The following YWHAE variants were observed in gnomAD, a reference collection of about 807,000 sequenced individuals.
YWHAE encodes the protein tyrosine 3-monooxygenase/tryptophan 5-monooxygenase activation protein epsilon.
A neutral mutation model predicts 30.1 loss-of-function variants in YWHAE; 4 were observed. That is an observed-to-expected ratio of 0.13 (90% CI 0.07 to 0.30). The LOEUF (loss-of-function observed/expected upper bound fraction) is 0.30, where lower values mean the gene tolerates loss of function less well. YWHAE is among the 10% of genes least tolerant of loss of function. The pLI is 1.00. For synonymous variants in YWHAE, 118 were observed against 111.8 expected (o/e 1.06, Z -0.35); for missense variants, 121 against 315.9 (o/e 0.38, Z 4.68).
At chr17:1,347,423 G>A (rs933128491) in intron 5 of YWHAE, among the ~76,000 whole-genome samples, 1 of 151,492 alleles carries the variant, frequency 6.6e-6, no homozygotes, top group Admixed American at 6.6e-5. Flanking sequence ...TTCTATTTCT[G>A]CAGTGAGCTT....
intron 1 of YWHAE, among the ~76,000 whole-genome samples, chr17:1,366,814 C>CCT (rs1452614654): frequency 6.6e-6 from 1 of 151,946 alleles, no homozygotes; most frequent in Non-Finnish European, 1.5e-5. Context: ...TGGTGGTGCA[C>CCT]GCTTGTAATC....
chr17:1,351,946 C>A (rs992560329), intron 5 of YWHAE: 8 of 102,966 alleles, frequency 7.8e-5, no homozygotes, highest in African/African-American at 4.0e-4. Context: ...TACCACTGCA[C>A]CCGGCATTTT....
At chr17:1,370,121 T>TTC (rs1288608974) in intron 1 of YWHAE, among the ~76,000 whole-genome samples, 1 of 42,550 alleles carries the variant, frequency 2.4e-5, no homozygotes, top group Non-Finnish European at 5.1e-5. Flanking sequence ...CAGAAAAACT[T>TTC]TTTTTTTTTT....
Position 1,365,162 on chromosome 17 carries a change from T to C in YWHAE, c.65-104A>G, listed in dbSNP as rs1047701997. 10 of 1,229,418 alleles carry C rather than the reference T, an allele frequency of 8.1e-6. No individual in the cohort carries two copies. The South Asian group carries it at 1.5e-4, about 18-fold the overall frequency. The allele number at this position is 1,229,418 out of a possible 1,614,324, so 76.2% of individuals were successfully genotyped here. A position where few individuals can be genotyped will look rare whatever the true frequency, so the allele number is the denominator to read the frequency against. ...GTCAAGCTACTGCGAAAAAAACATT[T>C]TAACAAAAATAATTTCATAATCATC... On this transcript the variant is annotated intron_variant, in intron 1 of 5. Coordinates refer to ENST00000264335, the MANE Select transcript of YWHAE (RefSeq NM_006761.5).
Position 1,394,523 on chromosome 17 carries a change from T to C in YWHAE, c.64+5524A>G, listed in dbSNP as rs1273000302. Reference sequence around the variant, plus strand: ...AGGGAAGCTGAGGCAGGAGGGTCACTGGAACTCAGGAGGTCGAGCCTGCAG... The same window carrying C: ...AGGGAAGCTGAGGCAGGAGGGTCACCGGAACTCAGGAGGTCGAGCCTGCAG... On this transcript the variant is annotated intron_variant, in intron 1 of 5. Coordinates refer to ENST00000264335, the MANE Select transcript of YWHAE (RefSeq NM_006761.5). 2.0e-5 allele frequency among the ~76,000 whole-genome samples: 3 copies of C among 150,286 alleles called. 1 individual carries two copies. Among genetic ancestry groups the C allele is most frequent in the African/African-American group, 7.4e-5 (3 of 40,560 alleles).
chr17:1,385,838 G>C (rs2073292225), intron 1 of YWHAE, among the ~76,000 whole-genome samples: 1 of 152,096 alleles, frequency 6.6e-6, no homozygotes, highest in South Asian at 2.1e-4. Flanking sequence ...CAGCACTTTA[G>C]GAGGCCAAGG....
At chr17:1,375,169 T>C (rs764181126) in intron 1 of YWHAE, among the ~76,000 whole-genome samples, 1 of 152,206 alleles carries the variant, frequency 6.6e-6, no homozygotes, top group Non-Finnish European at 1.5e-5. Context: ...TTTGTACAAA[T>C]AACGACTACA....
chr17:1,358,351 T>G (rs2072794216), intron 4 of YWHAE, among the ~76,000 whole-genome samples: 1 of 152,116 alleles, frequency 6.6e-6, no homozygotes, highest in Non-Finnish European at 1.5e-5. Flanking sequence ...GCCATTCTCC[T>G]GCCTCAGCCT....
chr17:1,399,592 G>A (rs1199873483), intron 1 of YWHAE: 3 of 196,844 alleles, frequency 1.5e-5, no homozygotes, highest in Non-Finnish European at 2.1e-5. Context: ...TCCCTGAAAG[G>A]CGCCCGCGCT....
At chr17:1,384,004 G>C (rs542298633) in intron 1 of YWHAE, among the ~76,000 whole-genome samples, 1 of 151,882 alleles carries the variant, frequency 6.6e-6, no homozygotes, top group African/African-American at 2.4e-5. Flanking sequence ...AAGAGTTCAA[G>C]ACCAACCTGG....
At chr17:1,395,480 G>GACC (rs1271412903) in intron 1 of YWHAE, among the ~76,000 whole-genome samples, 1 of 152,180 alleles carries the variant, frequency 6.6e-6, no homozygotes, top group Non-Finnish European at 1.5e-5. Flanking sequence ...AGTGAGCCAA[G>GACC]ACCACGCCAT....
intron 1 of YWHAE, among the ~76,000 whole-genome samples, chr17:1,382,024 G>A (rs1469222084): frequency 6.6e-6 from 1 of 151,150 alleles, no homozygotes; most frequent in African/African-American, 2.4e-5. Context: ...CCACTGACAA[G>A]TTACTTGCGG....
chr17:1,373,329 G>A (rs1038469098), intron 1 of YWHAE, among the ~76,000 whole-genome samples: 7 of 151,852 alleles, frequency 4.6e-5, no homozygotes, highest in African/African-American at 1.5e-4. Flanking sequence ...CAATAGTAAC[G>A]TCAAAGATTA....
chr17:1,346,990 CAAAA>C (rs71148471), intron 5 of YWHAE, among the ~76,000 whole-genome samples: 2 of 74,160 alleles, frequency 2.7e-5, no homozygotes, highest in Non-Finnish European at 2.6e-5. Flanking sequence ...GACTCCGTCT[CAAAA>C]AAAAAAAAAA....
intron 1 of YWHAE, among the ~76,000 whole-genome samples, chr17:1,397,066 ATTTT>A (rs766186484): frequency 6.6e-6 from 1 of 150,902 alleles, no homozygotes; most frequent in South Asian, 2.1e-4. Flanking sequence ...TGCCCGGATA[ATTTT>A]TTTATTTTTG....
intron 1 of YWHAE, among the ~76,000 whole-genome samples, chr17:1,376,378 A>G (rs529049882): frequency 7.2e-6 from 1 of 139,458 alleles, no homozygotes; most frequent in Non-Finnish European, 1.6e-5. Context: ...GACAGACAGA[A>G]AGAAAGAAAA....
At chr17:1,350,571 A>G (rs1428483642) in intron 5 of YWHAE, among the ~76,000 whole-genome samples, 1 of 151,510 alleles carries the variant, frequency 6.6e-6, no homozygotes, top group African/African-American at 2.4e-5. Flanking sequence ...CCTCCTGAGT[A>G]GCAGGGATTA....
At chr17:1,351,581 A>G (rs8064578) in intron 5 of YWHAE, among the ~76,000 whole-genome samples, 112,083 of 151,954 alleles carry the variant, frequency 0.74, 42,743 homozygotes, top group African/African-American at 0.93. Flanking sequence ...GGGGATGACC[A>G]TTACGAGTCC....
rs55734488 is a variant in YWHAE, at chr17:1,361,317, T to TAAAA, written c.372-23_372-20dup. 14 of 1,358,452 alleles carry TAAAA rather than the reference T, an allele frequency of 1.0e-5. No individual in the cohort carries two copies. Among genetic ancestry groups the TAAAA allele is most frequent in the Non-Finnish European group, 1.4e-5 (14 of 1,006,744 alleles). The allele number at this position is 1,358,452 out of a possible 1,614,324, so 84.1% of individuals were successfully genotyped here. ...CCCTTTCCTAAAACAAAACCAAAATTAAAAAAAAAAAAAAAATTTAAACTA... is the reference window on the plus strand; with the variant it reads ...CCCTTTCCTAAAACAAAACCAAAATTAAAAAAAAAAAAAAAAAAAATTTAAACTA... On this transcript the variant is annotated intron_variant, in intron 3 of 5. Transcript: ENST00000264335.
Sources: allele counts gnomAD v4.1 joint callset (sites outside exome capture counted in the v4.1 genomes callset), GRCh38; gene constraint gnomAD v4.1.1; transcripts MANE v1.5; gene names NCBI Gene and HGNC (gene_info 2026-07-23, HGNC 2026-07-21).